The following CATSPER3 variants were observed in gnomAD, a reference collection of about 807,000 sequenced individuals.
CATSPER3 encodes cation channel sperm associated 3, also known as cation channel sperm-associated protein 3.
In CATSPER3, 23 loss-of-function variants were observed where a neutral mutation model predicts 36.6. The ratio of observed to expected loss-of-function variants is 0.63; its 90% CI spans 0.45 to 0.89. The LOEUF is 0.89. Ranked by LOEUF, CATSPER3 falls within the 40% of genes least tolerant of loss-of-function variation. The pLI, the probability that CATSPER3 is intolerant of heterozygous loss-of-function variation, is 0.00. For missense variants in CATSPER3, 474 were observed against 503.9 expected, an observed-to-expected ratio of 0.94 and a Z score of 0.57; for synonymous variants, 172 against 184.1, an observed-to-expected ratio of 0.93 and a Z score of 0.53.
intron 2 of CATSPER3, among the ~76,000 whole-genome samples, chr5:134,981,143 A>T: frequency 1.4e-5 from 2 of 145,932 alleles, no homozygotes; most frequent in African/African-American, 2.6e-5. Context: ...TTTTCCCCAA[A>T]CCCTCTCTCT....
chr5:135,004,577 A>G (rs1229351618), intron 3 of CATSPER3, among the ~76,000 whole-genome samples: 18 of 152,224 alleles, frequency 1.2e-4, no homozygotes. Flanking sequence ...GGGAAGTGTA[A>G]TCTGGTTTTT....
intron 4 of CATSPER3, 55 bp from the exon 5 acceptor site, chr5:135,008,786 G>C: frequency 6.5e-7 from 1 of 1,540,348 alleles, no homozygotes; most frequent in Non-Finnish European, 9.0e-7. Flanking sequence ...TAGGTGAAAA[G>C]GAGGCCTGTG....
At chr5:135,008,467 C>T (rs1467270408) in intron 4 of CATSPER3, among the ~76,000 whole-genome samples, 1 of 152,198 alleles carries the variant, frequency 6.6e-6, no homozygotes, top group African/African-American at 2.4e-5. Flanking sequence ...GGGGAATTGG[C>T]TGTCACAAAT....
At chr5:134,979,827 G>C (rs901090423) in intron 2 of CATSPER3, among the ~76,000 whole-genome samples, 2 of 152,336 alleles carry the variant, frequency 1.3e-5, no homozygotes, top group African/African-American at 4.8e-5. Context: ...CTGGAAGTTA[G>C]GGGTAATGTA....
chr5:134,979,012 G>A (rs987902407), intron 2 of CATSPER3, among the ~76,000 whole-genome samples: 20 of 152,050 alleles, frequency 1.3e-4, no homozygotes, highest in East Asian at 3.9e-4. Flanking sequence ...ATGAGCCACC[G>A]TGCCCAGCCA....
intron 3 of CATSPER3, among the ~76,000 whole-genome samples, chr5:135,006,552 A>G (rs1303073027): frequency 1.3e-5 from 2 of 151,624 alleles, no homozygotes; most frequent in African/African-American, 4.9e-5. Context: ...AAAAAAAAAT[A>G]TCGGCTGGGC....
chr5:135,005,992 G>C (rs1039959500), intron 3 of CATSPER3, among the ~76,000 whole-genome samples: 1 of 152,192 alleles, frequency 6.6e-6, no homozygotes, highest in Non-Finnish European at 1.5e-5. Context: ...TCCAGAGCCC[G>C]GGAGAGCTGA....
chr5:135,009,039 G>A (rs1205693896), intron 5 of CATSPER3, 58 bp downstream of exon 5: 1 of 1,612,008 alleles, frequency 6.2e-7, no homozygotes, highest in Non-Finnish European at 8.5e-7. Context: ...TGGAGCTGTA[G>A]GGCAAGTCTC....
intron 2 of CATSPER3, among the ~76,000 whole-genome samples, chr5:134,981,096 T>G (rs1751745137): frequency 6.6e-6 from 1 of 152,092 alleles, no homozygotes; most frequent in South Asian, 2.1e-4. Context: ...CCTCCCTTCC[T>G]TCTTTTGTTT....
Position 135,010,544 on chromosome 5 carries a change from C to T in CATSPER3, c.1094+14C>T, listed in dbSNP as rs1466355298. The stretch of plus-strand genomic sequence containing the variant: ...AACTGTCCACAAGTCAGTTCCAGCC[C>T]CAGCCTTCCCTGGTCCCTAGGGCTT... On this transcript the variant is annotated intron_variant, in intron 7 of 7. Transcript: ENST00000282611. The T allele has an allele frequency of 8.1e-6, 13 of 1,613,218 alleles. No homozygotes were observed. In the South Asian group the frequency reaches 1.3e-4, roughly 16 times the overall value.
At chr5:134,990,295 T>A (rs931697446) in intron 2 of CATSPER3, among the ~76,000 whole-genome samples, 2 of 152,142 alleles carry the variant, frequency 1.3e-5, no homozygotes, top group African/African-American at 4.8e-5. Context: ...ATTCAACATA[T>A]GTAAGATGAA....
At chr5:134,992,929 G>A (rs1043456804) in intron 2 of CATSPER3, among the ~76,000 whole-genome samples, 1 of 152,178 alleles carries the variant, frequency 6.6e-6, no homozygotes, top group Non-Finnish European at 1.5e-5. Context: ...GTAAAGTGGG[G>A]ACTCAAACAG....
At chr5:134,999,819 G>A (rs1185142440) in intron 3 of CATSPER3, among the ~76,000 whole-genome samples, 1 of 152,180 alleles carries the variant, frequency 6.6e-6, no homozygotes, top group Non-Finnish European at 1.5e-5. Context: ...CTGAGACGAT[G>A]GGGTTTTCTA....
intron 2 of CATSPER3, among the ~76,000 whole-genome samples, chr5:134,992,014 T>G (rs760796659): frequency 1.1e-4 from 16 of 151,670 alleles, no homozygotes; most frequent in Non-Finnish European, 2.2e-4. Flanking sequence ...CCCAGCTACT[T>G]GGGAGGCTGA....
Position 134,968,028 on chromosome 5 carries a change from A to T in CATSPER3, c.37A>T (p.Ile13Phe), listed in dbSNP as rs1751554832. ...CCGTCACCAGCGCCACTCGAGAGTC[A>T]TTTCTAGTTCACCAGTTGACACTAC... ...QHRHQRHSRV[I>F]SSSPVDTTSV... Residue 13 changes from isoleucine (I) to phenylalanine (F), a missense_variant, in exon 1 of 8, where the codon ATT becomes TTT. Ile to Phe is a conservative substitution (Grantham distance 21). Coordinates refer to ENST00000282611, the MANE Select transcript of CATSPER3 (RefSeq NM_178019.3). 12 of 1,614,062 alleles carry T rather than the reference A, an allele frequency of 7.4e-6. No individual in the cohort carries two copies. The highest frequency in any genetic ancestry group is 1.0e-5 in the Non-Finnish European group (12 of 1,180,006).
At chr5:134,980,053 C>T (rs944686254) in intron 2 of CATSPER3, among the ~76,000 whole-genome samples, 1 of 151,552 alleles carries the variant, frequency 6.6e-6, no homozygotes, top group Non-Finnish European at 1.5e-5. Flanking sequence ...ATGATCATAG[C>T]TCACTGCAGC....
chr5:135,006,562 C>T (rs919945421), intron 3 of CATSPER3, among the ~76,000 whole-genome samples: 6 of 152,090 alleles, frequency 3.9e-5, no homozygotes, highest in East Asian at 1.9e-4. Flanking sequence ...ATCGGCTGGG[C>T]GCCGTGGCTC....
intron 2 of CATSPER3, among the ~76,000 whole-genome samples, chr5:134,989,355 T>C (rs1751852153): frequency 6.6e-6 from 1 of 152,224 alleles, no homozygotes; most frequent in Non-Finnish European, 1.5e-5. Context: ...ACTTTTCCCC[T>C]GTAGCTATGA....
intron 3 of CATSPER3, among the ~76,000 whole-genome samples, chr5:134,998,164 G>T (rs1318464509): frequency 6.6e-6 from 1 of 152,138 alleles, no homozygotes; most frequent in Non-Finnish European, 1.5e-5. Flanking sequence ...GTGAGAATAT[G>T]CAGTGTTTGG....
Sources: gnomAD v4.1 joint callset for allele counts (sites outside exome capture counted in the v4.1 genomes callset) on GRCh38, gnomAD v4.1.1 for gene constraint, MANE v1.5 for transcripts, NCBI Gene and HGNC (gene_info 2026-07-23, HGNC 2026-07-21) for gene names.